Variants in AUH observed in about 807,000 individuals in gnomAD.
AUH encodes methylglutaconyl-CoA hydratase, mitochondrial.
A neutral mutation model predicts 42.3 loss-of-function variants in AUH; 29 were observed. That is an observed-to-expected ratio of 0.69 (90% CI 0.51 to 0.93). AUH has a LOEUF of 0.93. Ranked by LOEUF, AUH falls within the 40% of genes least tolerant of loss-of-function variation. AUH has a pLI of 0.00. For missense variants in AUH, 452 were observed against 438.1 expected (o/e 1.03, Z -0.28); for synonymous variants, 174 against 166.4 (o/e 1.05, Z -0.35).
At chr9:91,313,501 C>T (rs560897636) in intron 4 of AUH, among the ~76,000 whole-genome samples, 50 of 151,180 alleles carry the variant, frequency 3.3e-4, no homozygotes, top group African/African-American at 1.2e-3. Context: ...GTCAGGAGAT[C>T]GAGACCATCC....
chr9:91,269,445 T>C (rs1011481561), intron 6 of AUH, among the ~76,000 whole-genome samples: 11 of 152,232 alleles, frequency 7.2e-5, no homozygotes, highest in African/African-American at 2.4e-4. Flanking sequence ...CAGATCTAAA[T>C]ATAAACGTTT....
At chr9:91,259,043 T>C (rs1266437423) in intron 6 of AUH, among the ~76,000 whole-genome samples, 2 of 152,218 alleles carry the variant, frequency 1.3e-5, no homozygotes, top group Non-Finnish European at 2.9e-5. Flanking sequence ...CCTCAAACCA[T>C]GAGTCTGGAA....
intron 6 of AUH, among the ~76,000 whole-genome samples, chr9:91,278,672 G>C (rs1825734437): frequency 6.6e-6 from 1 of 152,174 alleles, no homozygotes; most frequent in Admixed American, 6.5e-5. Flanking sequence ...CTGAAGAATA[G>C]TGCATTTATT....
At chr9:91,227,708 T>C (rs1322592859) in intron 6 of AUH, among the ~76,000 whole-genome samples, 1 of 150,962 alleles carries the variant, frequency 6.6e-6, no homozygotes, top group Admixed American at 6.6e-5. Context: ...ATAGCTCTTA[T>C]TATTTTGAAA....
At chr9:91,307,056 A>G (rs1483909678) in intron 4 of AUH, among the ~76,000 whole-genome samples, 1 of 152,222 alleles carries the variant, frequency 6.6e-6, no homozygotes, top group African/African-American at 2.4e-5. Context: ...ATACAAGTTC[A>G]GTAATTGCCT....
intron 6 of AUH, among the ~76,000 whole-genome samples, chr9:91,252,055 C>A (rs912534884): frequency 3.9e-5 from 6 of 152,180 alleles, no homozygotes; most frequent in Admixed American, 2.6e-4. Context: ...CAACCTCCAC[C>A]TCCCCGGTTC....
chr9:91,305,991 G>A (rs1436550245), intron 4 of AUH, among the ~76,000 whole-genome samples: 1 of 152,132 alleles, frequency 6.6e-6, no homozygotes, highest in Non-Finnish European at 1.5e-5. Context: ...CAGCACACTG[G>A]CTCTGTGCGC....
intron 6 of AUH, among the ~76,000 whole-genome samples, chr9:91,240,528 G>C (rs1828454759): frequency 6.6e-6 from 1 of 152,140 alleles, no homozygotes; most frequent in Admixed American, 6.5e-5. Context: ...AGGCTATCTG[G>C]AGCTGTACTT....
At chr9:91,308,041 A>G (rs147721960) in intron 4 of AUH, among the ~76,000 whole-genome samples, 54 of 152,362 alleles carry the variant, frequency 3.5e-4, no homozygotes, top group African/African-American at 1.3e-3. Flanking sequence ...AACGCTTAAC[A>G]TTATTAGAAT....
chr9:91,310,986 T>C lies in AUH; in HGVS notation c.506-12910A>G, dbSNP rs547835829. Among the ~76,000 whole-genome samples, 4 of 152,332 alleles carry C rather than the reference T, an allele frequency of 2.6e-5. No individual in the cohort carries two copies. In the South Asian group the frequency reaches 6.2e-4, roughly 24 times the overall value. ...GCCTTTCAATAATAAAATTCAAATG[T>C]ATCCCAATTCTCAAACTGAAAGACA... On this transcript the variant is annotated intron_variant, in intron 4 of 9. Transcript: ENST00000375731.
intron 6 of AUH, among the ~76,000 whole-genome samples, chr9:91,250,960 G>T (rs981980615): frequency 2.0e-5 from 3 of 152,200 alleles, no homozygotes; most frequent in African/African-American, 7.2e-5. Flanking sequence ...TTGATAAAGA[G>T]AAGAAACCAC....
intron 4 of AUH, among the ~76,000 whole-genome samples, chr9:91,311,029 T>C (rs906917266): frequency 4.6e-5 from 7 of 152,176 alleles, no homozygotes; most frequent in African/African-American, 1.7e-4. Context: ...AAAAATAAAA[T>C]GAGAAGCACT....
chr9:91,287,740 C>G (rs1826529727), intron 6 of AUH, among the ~76,000 whole-genome samples: 1 of 151,888 alleles, frequency 6.6e-6, no homozygotes, highest in Non-Finnish European at 1.5e-5. Flanking sequence ...AAACAAAATA[C>G]AAAAAGACGG....
chr9:91,310,591 A>C (rs889334889), intron 4 of AUH, among the ~76,000 whole-genome samples: 7 of 152,226 alleles, frequency 4.6e-5, no homozygotes, highest in African/African-American at 1.7e-4. Context: ...AAATAATTCA[A>C]GAGTTCATCA....
chr9:91,335,490 A>C (rs942756579), intron 3 of AUH, among the ~76,000 whole-genome samples: 3 of 152,166 alleles, frequency 2.0e-5, no homozygotes, highest in East Asian at 1.9e-4. Flanking sequence ...CTTTTCAAAG[A>C]AGCAGCTCTA....
chr9:91,281,122 T>C (rs1825931011), intron 6 of AUH, among the ~76,000 whole-genome samples: 1 of 152,210 alleles, frequency 6.6e-6, no homozygotes, highest in Non-Finnish European at 1.5e-5. Context: ...CACTTTCTCC[T>C]CTCCTTCTGG....
At chr9:91,271,971 C>A (rs1281937887) in intron 6 of AUH, among the ~76,000 whole-genome samples, 1 of 152,148 alleles carries the variant, frequency 6.6e-6, no homozygotes, top group Non-Finnish European at 1.5e-5. Flanking sequence ...CATGAGCTAC[C>A]GTACCCGGCC....
At position 91,220,889 on chromosome 9, in the gene AUH, T is replaced by G; in HGVS notation, c.759A>C (p.Leu253Phe). Residue 253 changes from leucine to phenylalanine, a missense_variant, in exon 7 of 10, where the codon TTA (leucine) becomes TTC (phenylalanine). Transcript: ENST00000375731. The stretch of plus-strand genomic sequence containing the variant: ...GGTTCTGTTCCAGAACGTGGCTGAT[T>G]AAGCCCACTGCTTTGGCTTCTTTGC... ...LDGKEAKAVG[L>F]ISHVLEQNQE... The G allele has an allele frequency of 1.2e-6, 2 of 1,614,258 alleles. No individual in the cohort carries two copies. Among genetic ancestry groups the G allele is most frequent in the Non-Finnish European group, 1.7e-6 (2 of 1,180,052 alleles).
chr9:91,310,646 A>G (rs1280147745), intron 4 of AUH, among the ~76,000 whole-genome samples: 2 of 152,188 alleles, frequency 1.3e-5, no homozygotes, highest in Non-Finnish European at 2.9e-5. Context: ...AACAAAATAA[A>G]CCATCCTATG....
Sources: gnomAD v4.1 joint callset for allele counts (sites outside exome capture counted in the v4.1 genomes callset) on GRCh38, gnomAD v4.1.1 for gene constraint, MANE v1.5 for transcripts, NCBI Gene and HGNC (gene_info 2026-07-23, HGNC 2026-07-21) for gene names.